The following CNIH4 variants were observed in gnomAD, a reference collection of about 807,000 sequenced individuals.
CNIH4 encodes the protein protein cornichon homolog 4.
Under a neutral mutation model 21.5 loss-of-function variants are expected in CNIH4, and 9 were observed. That is an observed-to-expected ratio of 0.42 (90% CI 0.25 to 0.73). CNIH4 has a LOEUF of 0.73. Ranked by LOEUF, CNIH4 falls within the 30% of genes least tolerant of loss-of-function variation. The pLI is 0.27. For synonymous variants in CNIH4, 67 were observed against 59.1 expected, an observed-to-expected ratio of 1.13 and a Z score of -0.61; for missense variants, 159 against 170.0, an observed-to-expected ratio of 0.94 and a Z score of 0.36.
chr1:224,375,839 G>A lies in CNIH4; in HGVS notation c.*17G>A. 1 of 1,614,066 alleles carries A rather than the reference G, an allele frequency of 6.2e-7. No homozygotes were observed. The highest frequency in any genetic ancestry group is 1.1e-5 in the South Asian group (1 of 91,068). The stretch of plus-strand genomic sequence containing the variant: ...AATGACTGAAGCTGGAGAAGCCGTG[G>A]TTGAAGTCAGCCTACACTACAGTGC... On this transcript the variant is annotated 3_prime_UTR_variant, in exon 5 of 5. Coordinates refer to ENST00000465271, the MANE Select transcript of CNIH4 (RefSeq NM_014184.4).
intron 3 of CNIH4, among the ~76,000 whole-genome samples, chr1:224,368,850 A>C (rs1321596285): frequency 5.3e-5 from 8 of 151,192 alleles, no homozygotes; most frequent in Non-Finnish European, 1.0e-4. Flanking sequence ...ATTCCCATCA[A>C]CTGTGTATTG....
At position 224,379,201 on chromosome 1, in the gene CNIH4, C is replaced by A; in HGVS notation, c.*3379C>A. ...GCCTTTTCATGCCTGCCACAGACTA[C>A]AGTAGGACAAAACCTGACCTGGTCT... On this transcript the variant is annotated 3_prime_UTR_variant, in exon 5 of 5. Transcript: ENST00000465271. The A allele has an allele frequency of 8.8e-7, 1 of 1,130,026 alleles. No individual in the cohort carries two copies. Among genetic ancestry groups the A allele is most frequent in the Non-Finnish European group, 1.3e-6 (1 of 766,764 alleles). The allele number at this position is 1,130,026 out of a possible 1,614,324, so 70.0% of individuals were successfully genotyped here.
intron 4 of CNIH4, among the ~76,000 whole-genome samples, chr1:224,373,172 G>C (rs776866392): frequency 1.2e-4 from 18 of 152,146 alleles, no homozygotes; most frequent in Non-Finnish European, 2.2e-4. Context: ...TATCAAAGAT[G>C]ATGAATAAGG....
chr1:224,373,768 C>A (rs1382556103), intron 4 of CNIH4, among the ~76,000 whole-genome samples: 2 of 151,212 alleles, frequency 1.3e-5, no homozygotes, highest in African/African-American at 4.9e-5. Flanking sequence ...GTGGAGGTTG[C>A]GGTGAGCCGA....
chr1:224,376,926 A>G lies in CNIH4; in HGVS notation c.*1104A>G, dbSNP rs554476969. 1 of 984,828 alleles carries G rather than the reference A, an allele frequency of 1.0e-6. No individual in the cohort carries two copies. The highest frequency in any genetic ancestry group is 1.2e-6 in the Non-Finnish European group (1 of 829,488). 61.0% of individuals were successfully genotyped at this position (984,828 alleles called of 1,614,324 possible). ...TAATGTTGCTATCTTAAGCACTGGC[A>G]TTTGGGCAAAACATGACTGTGTTCT... On this transcript the variant is annotated 3_prime_UTR_variant, in exon 5 of 5. Coordinates refer to ENST00000465271, the MANE Select transcript of CNIH4 (RefSeq NM_014184.4).
chr1:224,364,048 G>C, intron 2 of CNIH4: 1 of 985,392 alleles, frequency 1.0e-6, no homozygotes, highest in Non-Finnish European at 1.2e-6. Flanking sequence ...AGAGGACTTG[G>C]TTGAAAGTCA....
chr1:224,365,600 C>T (rs115406137), intron 2 of CNIH4, among the ~76,000 whole-genome samples: 3,733 of 152,214 alleles, frequency 0.025, 156 homozygotes, highest in African/African-American at 0.082. Flanking sequence ...CTTTTTTTCT[C>T]TAGTTCTCAT....
At position 224,371,381 on chromosome 1, in the gene CNIH4, A is replaced by T. The variant is rs2102865618; in HGVS notation, c.350A>T (p.Lys117Met). ...LKSHMKEAMIKLGFHLLCFFM... is the reference protein window; with the variant it reads ...LKSHMKEAMIMLGFHLLCFFM... ...TCACACATGAAAGAAGCCATGATCA[A>T]GCTTGGTTTCCACTTGCTCTGCTTC... The change falls in exon 4 of 5, where the codon AAG (lysine) becomes ATG (methionine). Residue 117 changes from lysine (K) to methionine (M), a missense_variant. Physicochemically the swap from Lys to Met is moderately conservative, Grantham distance 95. Coordinates refer to ENST00000465271, the MANE Select transcript of CNIH4 (RefSeq NM_014184.4). The T allele has an allele frequency of 6.2e-7, 1 of 1,614,154 alleles. No individual in the cohort carries two copies. The highest frequency in any genetic ancestry group is 8.5e-7 in the Non-Finnish European group (1 of 1,180,022).
chr1:224,365,992 G>A lies in CNIH4; in HGVS notation c.251+1G>A. The stretch of plus-strand genomic sequence containing the variant: ...CTGTTGCCACTTGGAATATATATCG[G>A]TGAGTATAGTTTGTTTACTTTGGTG... On this transcript the variant is annotated splice_donor_variant, in intron 3 of 4. Transcript: ENST00000465271. LOFTEE classifies it high-confidence loss of function. The A allele has an allele frequency of 1.3e-6, 2 of 1,548,870 alleles. No individual in the cohort carries two copies. Among genetic ancestry groups the A allele is most frequent in the Non-Finnish European group, 1.8e-6 (2 of 1,120,774 alleles).
Position 224,379,261 on chromosome 1 carries a change from G to A in CNIH4, c.*3439G>A, listed in dbSNP as rs1672855865. The A allele has an allele frequency of 1.5e-6, 1 of 649,562 alleles. No individual in the cohort carries two copies. The highest frequency in any genetic ancestry group is 2.7e-6 in the Non-Finnish European group (1 of 366,634). 40.2% of individuals were successfully genotyped at this position (649,562 alleles called of 1,614,324 possible). A position where few individuals can be genotyped will look rare whatever the true frequency, so the allele number is the denominator to read the frequency against. ...AGAGCTAAGAAAGCTTCCTATAGTA[G>A]TATCTCCCATGGCACTTACCACATT... On this transcript the variant is annotated 3_prime_UTR_variant, in exon 5 of 5. Transcript: ENST00000465271.
chr1:224,365,426 T>C (rs1177056817), intron 2 of CNIH4, among the ~76,000 whole-genome samples: 1 of 152,236 alleles, frequency 6.6e-6, no homozygotes, highest in East Asian at 1.9e-4. Context: ...TATTATTTTT[T>C]GTTTTTCTCT....
rs1476336523 is a variant in CNIH4 at position 224,373,222 on chromosome 1, AT to A, written c.392+1801del. Reference sequence around the variant, plus strand: ...ATGATGAGAACATAATGATGCACCTATTCTTGTTTTTAATACTTTTGTATCT... The same window carrying A: ...ATGATGAGAACATAATGATGCACCTATCTTGTTTTTAATACTTTTGTATCT... On this transcript the variant is annotated intron_variant, in intron 4 of 4. Coordinates refer to ENST00000465271, the MANE Select transcript of CNIH4 (RefSeq NM_014184.4). 5.3e-5 allele frequency among the ~76,000 whole-genome samples: 8 copies of A among 152,306 alleles called. No homozygotes were observed. The South Asian group carries it at 1.5e-3, about 28-fold the overall frequency.
Position 224,376,297 on chromosome 1 carries a change from G to T in CNIH4, c.*475G>T, listed in dbSNP as rs1244050766. The T allele has an allele frequency of 7.1e-6, 7 of 985,566 alleles. No homozygotes were observed. The highest frequency in any genetic ancestry group is 8.4e-6 in the Non-Finnish European group (7 of 830,136). The allele number at this position is 985,566 out of a possible 1,614,324, so 61.1% of individuals were successfully genotyped here. On this transcript the variant is annotated 3_prime_UTR_variant, in exon 5 of 5. Coordinates refer to ENST00000465271, the MANE Select transcript of CNIH4 (RefSeq NM_014184.4). ...ACAACTTCATTTAATATGGTTTAAA[G>T]ATTTATGAGACTGTCAGCTAAAAGT...
chr1:224,375,107 A>G (rs966346713), intron 4 of CNIH4, among the ~76,000 whole-genome samples: 3 of 152,320 alleles, frequency 2.0e-5, no homozygotes, highest in South Asian at 2.1e-4. Context: ...CAACATTGCA[A>G]GTGACACAGA....
chr1:224,370,464 G>A lies in CNIH4; in HGVS notation c.252-819G>A, dbSNP rs142171810. On this transcript the variant is annotated intron_variant, in intron 3 of 4. Coordinates refer to ENST00000465271, the MANE Select transcript of CNIH4 (RefSeq NM_014184.4). ...GACGTGAGAGCAGGAAGAATTCATG[G>A]ACAGTGCTAGGTTAGGACATATATG... Among the ~76,000 whole-genome samples the A allele has an allele frequency of 2.6e-4, 39 of 152,284 alleles. 1 individual carries two copies. Among genetic ancestry groups the A allele is most frequent in the Non-Finnish European group, 5.1e-4 (35 of 68,012 alleles).
intron 1 of CNIH4, among the ~76,000 whole-genome samples, chr1:224,359,864 GAAAA>G (rs1054284897): frequency 2.0e-5 from 3 of 150,676 alleles, no homozygotes; most frequent in Non-Finnish European, 4.4e-5. Flanking sequence ...CCCGGCTAAT[GAAAA>G]AAAAAGAAAA....
At chr1:224,370,584 A>G (rs1672593839) in intron 3 of CNIH4, among the ~76,000 whole-genome samples, 1 of 152,206 alleles carries the variant, frequency 6.6e-6, no homozygotes, top group South Asian at 2.1e-4. Context: ...CCCTGTTTCC[A>G]TAATGAAGTT....
In CNIH4 at chr1:224,377,005, A is replaced by C. The variant is rs1268742675; in HGVS notation, c.*1183A>C. On this transcript the variant is annotated 3_prime_UTR_variant, in exon 5 of 5. Coordinates refer to ENST00000465271, the MANE Select transcript of CNIH4 (RefSeq NM_014184.4). The stretch of plus-strand genomic sequence containing the variant: ...CTAGTTGAGATAGAATTGGGTGGCT[A>C]AACAGGGTGTGTGGTACCCAAAAGA... 1.4e-6 allele frequency: 1 copy of C among 734,524 alleles called. No homozygotes were observed. Among genetic ancestry groups the C allele is most frequent in the Admixed American group, 6.3e-5 (1 of 15,940 alleles). The allele number at this position is 734,524 out of a possible 1,614,324, so 45.5% of individuals were successfully genotyped here.
chr1:224,370,049 C>G (rs1212415028), intron 3 of CNIH4, among the ~76,000 whole-genome samples: 2 of 151,782 alleles, frequency 1.3e-5, no homozygotes, highest in Non-Finnish European at 2.9e-5. Context: ...TATATACCTA[C>G]TGTGTACCCA....
Sources: gnomAD v4.1 joint callset for allele counts (sites outside exome capture counted in the v4.1 genomes callset) on GRCh38, gnomAD v4.1.1 for gene constraint, MANE v1.5 for transcripts, NCBI Gene and HGNC (gene_info 2026-07-23, HGNC 2026-07-21) for gene names.